The following ZCCHC2 variants were observed in gnomAD, a reference collection of about 807,000 sequenced individuals.
The protein encoded by ZCCHC2 is zinc finger CCHC-type containing 2, also known as zinc finger CCHC domain-containing protein 2.
ZCCHC2 carries 39 observed loss-of-function variants against 103.6 expected under a neutral mutation model. The observed-to-expected ratio is 0.38, with a 90% CI of 0.29 to 0.49. The LOEUF is 0.49. ZCCHC2 is among the 20% of genes least tolerant of loss of function. The pLI is 0.96. For missense variants in ZCCHC2, 1,483 were observed against 1,491.0 expected (o/e 0.99, Z 0.09); for synonymous variants, 687 against 608.9 (o/e 1.13, Z -1.89).
intron 12 of ZCCHC2, among the ~76,000 whole-genome samples, chr18:62,573,592 T>A (rs1598966108): frequency 6.6e-6 from 1 of 152,254 alleles, no homozygotes; most frequent in Admixed American, 6.5e-5. Context: ...AGAAAACTCT[T>A]CTGTTCCCTG....
At chr18:62,583,795 C>A (rs899842798) in intron 14 of ZCCHC2, among the ~76,000 whole-genome samples, 1 of 152,072 alleles carries the variant, frequency 6.6e-6, no homozygotes, top group East Asian at 1.9e-4. Context: ...GACATCTCTA[C>A]ATCTTCTTCT....
intron 1 of ZCCHC2, among the ~76,000 whole-genome samples, chr18:62,535,957 A>T (rs930111992): frequency 6.6e-6 from 1 of 152,226 alleles, no homozygotes; most frequent in Non-Finnish European, 1.5e-5. Context: ...TTATATTTGG[A>T]ATATCTTGGA....
exon 15 of ZCCHC2, chr18:62,585,381 CT>C (rs2121913797): frequency 6.6e-6 from 1 of 152,334 alleles, no homozygotes; most frequent in East Asian, 1.9e-4. Flanking sequence ...CCAGGTACCC[CT>C]GCTGCCCCCA....
Position 62,542,489 on chromosome 18 carries a change from T to A in ZCCHC2, c.1052-9T>A, listed in dbSNP as rs558090166. 6.4e-7 allele frequency: 1 copy of A among 1,555,420 alleles called. No individual in the cohort carries two copies. Among genetic ancestry groups the A allele is most frequent in the African/African-American group, 1.4e-5 (1 of 73,352 alleles). ...TAGCACAAGTCACCGTGTGTTTTTT[T>A]TCTTTCAGCTGTACACATTGAGAAG... is the stretch of plus-strand genomic sequence containing the variant. On this transcript the variant is annotated splice_polypyrimidine_tract_variant and intron_variant, in intron 2 of 13. Transcript: ENST00000269499.
At chr18:62,542,652 A>G (rs940741864) in intron 3 of ZCCHC2, 78 bp downstream of exon 3, 3 of 1,212,166 alleles carry the variant, frequency 2.5e-6, no homozygotes, top group Non-Finnish European at 3.5e-6. Flanking sequence ...CAGGTTTGCT[A>G]ATTTAAGGGA....
intron 1 of ZCCHC2, 187 bp from the exon 2 acceptor site, chr18:62,539,494 T>G (rs560368801): frequency 2.0e-6 from 1 of 499,702 alleles, no homozygotes; most frequent in South Asian, 2.3e-5. Flanking sequence ...AGTCAATAAT[T>G]AATAGAGTGC....
At chr18:62,533,948 T>G (rs1188271671) in intron 1 of ZCCHC2, among the ~76,000 whole-genome samples, 1 of 152,162 alleles carries the variant, frequency 6.6e-6, no homozygotes, top group African/African-American at 2.4e-5. Flanking sequence ...TACCAGTATT[T>G]ACTTTATAAA....
In ZCCHC2 at chr18:62,523,335, T is replaced by C; in HGVS notation, c.-90T>C. The C allele has an allele frequency of 1.0e-6, 1 of 972,602 alleles. No homozygotes were observed. Among genetic ancestry groups the C allele is most frequent in the Non-Finnish European group, 1.2e-6 (1 of 823,638 alleles). 60.2% of individuals were successfully genotyped at this position (972,602 alleles called of 1,614,324 possible). ...CGGCGGCATGGAGGGGCCCCGCTCC[T>C]GACGGCCGCGCCGCCGCCTCGGCCC... On this transcript the variant is annotated 5_prime_UTR_variant, in exon 1 of 14. It removes the in-frame stop codon of an upstream open reading frame in the 5' UTR. Coordinates refer to ENST00000269499, the MANE Select transcript of ZCCHC2 (RefSeq NM_017742.6).
At chr18:62,540,626 G>A (rs1915130274) in intron 2 of ZCCHC2, among the ~76,000 whole-genome samples, 1 of 152,026 alleles carries the variant, frequency 6.6e-6, no homozygotes, top group African/African-American at 2.4e-5. Context: ...TAAACTCATT[G>A]AACATACGAA....
Position 62,574,858 on chromosome 18 carries a change from G to A in ZCCHC2, c.2777G>A (p.Gly926Asp). The stretch of plus-strand genomic sequence containing the variant: ...TTACCAGGCTCTCCCCTTGCTGCCG[G>A]CGTGTTACCCAGCCAGAACTCCAGT... ...YPLPGSPLAA[G>D]VLPSQNSSVL... The change falls in exon 13 of 14, where the codon GGC becomes GAC. Residue 926 changes from glycine to aspartate, a missense_variant. Physicochemically the swap from Gly to Asp is moderately conservative, Grantham distance 94. This residue lies in a region of ZCCHC2 where 884 missense variants were observed against 907.5 expected (regional missense o/e 0.97). Transcript: ENST00000269499. 6.2e-7 allele frequency: 1 copy of A among 1,613,860 alleles called. No individual in the cohort carries two copies. The highest frequency in any genetic ancestry group is 8.5e-7 in the Non-Finnish European group (1 of 1,179,888).
At chr18:62,540,489 A>G (rs1287525160) in intron 2 of ZCCHC2, among the ~76,000 whole-genome samples, 1 of 149,278 alleles carries the variant, frequency 6.7e-6, no homozygotes, top group Non-Finnish European at 1.5e-5. Flanking sequence ...ATTTTTCCTC[A>G]CAGAGGAAAA....
Position 62,524,303 on chromosome 18 carries a change from G to T in ZCCHC2, c.879G>T (p.Gly293=). The T allele has an allele frequency of 6.5e-7, 1 of 1,548,672 alleles. No homozygotes were observed. Among genetic ancestry groups the T allele is most frequent in the East Asian group, 2.5e-5 (1 of 40,630 alleles). Residue 293 remains glycine, a synonymous_variant, in exon 1 of 14, where the codon GGG becomes GGT. Coordinates refer to ENST00000269499, the MANE Select transcript of ZCCHC2 (RefSeq NM_017742.6). ...AGAGGCTCCGCGCCGCGCTCCGCGGGGGCCCCGAGGACGCGGAGGTGGAGG... is the reference window on the plus strand; with the variant it reads ...AGAGGCTCCGCGCCGCGCTCCGCGGTGGCCCCGAGGACGCGGAGGTGGAGG... ...HLERLRAALR[G]GPEDAEVEVE...
chr18:62,570,096 T>G lies in ZCCHC2; in HGVS notation c.1847-7T>G. On this transcript the variant is annotated splice_polypyrimidine_tract_variant and splice_region_variant and intron_variant, in intron 11 of 13. Transcript: ENST00000269499. ...ATGATTTTTTAAAATAGTGTTGTTA[T>G]TTTTAGATGTGAATTTGGACATTGG... The G allele has an allele frequency of 6.3e-7, 1 of 1,585,664 alleles. No homozygotes were observed. The highest frequency in any genetic ancestry group is 1.2e-5 in the South Asian group (1 of 86,044).
rs1276186301 is a variant in ZCCHC2 at position 62,532,895 on chromosome 18, G to A, written c.940-6786G>A. Among the ~76,000 whole-genome samples the A allele has an allele frequency of 2.6e-5, 4 of 152,176 alleles. No homozygotes were observed. In the South Asian group the frequency reaches 8.3e-4, roughly 32 times the overall value. ...TACAGAAAAATACAAAAATTAGCTG[G>A]GCGTAGTGGTGCATGTCTGTAGTCC... On this transcript the variant is annotated intron_variant, in intron 1 of 13. Coordinates refer to ENST00000269499, the MANE Select transcript of ZCCHC2 (RefSeq NM_017742.6).
In ZCCHC2 at chr18:62,574,885, T is replaced by C. The variant is rs1480512160; in HGVS notation, c.2804T>C (p.Val935Ala). The C allele has an allele frequency of 6.2e-7, 1 of 1,613,896 alleles. No individual in the cohort carries two copies. Among genetic ancestry groups the C allele is most frequent in the South Asian group, 1.1e-5 (1 of 91,084 alleles). ...GTGTTACCCAGCCAGAACTCCAGTG[T>C]GCTCAGCACAGCAGCAACTTCTCCC... ...AGVLPSQNSSVLSTAATSPQP... is the reference protein window; with the variant it reads ...AGVLPSQNSSALSTAATSPQP... The change falls in exon 13 of 14, where the codon GTG becomes GCG. Residue 935 changes from valine to alanine, a missense_variant. Transcript: ENST00000269499.
rs986082500 is a variant in ZCCHC2 at position 62,527,915 on chromosome 18, A to G, written c.939+3552A>G. Among the ~76,000 whole-genome samples the G allele has an allele frequency of 3.9e-5, 6 of 152,268 alleles. No individual in the cohort carries two copies. The South Asian group carries it at 6.2e-4, about 16-fold the overall frequency. On this transcript the variant is annotated intron_variant, in intron 1 of 13. Transcript: ENST00000269499. ...TCATTGAAAAGACAGGAAGCAAGAC[A>G]TGCAAGCAATGTTTGCATACTTAAA...
At chr18:62,541,654 G>C (rs1320403406) in intron 2 of ZCCHC2, among the ~76,000 whole-genome samples, 1 of 152,054 alleles carries the variant, frequency 6.6e-6, no homozygotes, top group Non-Finnish European at 1.5e-5. Context: ...TCATTATCCT[G>C]AAAGTGTGGT....
intron 13 of ZCCHC2, 123 bp from the exon 14 acceptor site, chr18:62,576,389 G>T: frequency 1.4e-6 from 1 of 712,786 alleles, no homozygotes; most frequent in Non-Finnish European, 2.5e-6. Context: ...TGGCCATTTG[G>T]AGTGGCACTA....
chr18:62,562,163 A>AT (rs1463569611), intron 8 of ZCCHC2, among the ~76,000 whole-genome samples: 16 of 148,774 alleles, frequency 1.1e-4, no homozygotes, highest in South Asian at 6.4e-4. Context: ...TGCCTGGCTA[A>AT]TTTTTTTTTT....
Sources: allele counts gnomAD v4.1 joint callset (sites outside exome capture counted in the v4.1 genomes callset), GRCh38; gene constraint gnomAD v4.1.1; regional missense constraint gnomAD v4.1.1; transcripts MANE v1.5; gene names NCBI Gene and HGNC (gene_info 2026-07-23, HGNC 2026-07-21).